The following TMEM233 variants were observed in gnomAD, a reference collection of about 807,000 sequenced individuals.
TMEM233 encodes the protein dispanin subfamily B member 2.
Under a neutral mutation model 11.2 loss-of-function variants are expected in TMEM233, and 6 were observed. The observed-to-expected ratio is 0.54, with a 90% CI of 0.29 to 1.06. The LOEUF (loss-of-function observed/expected upper bound fraction) is 1.06, where lower values mean the gene tolerates loss of function less well. Among genes scored for constraint, TMEM233 ranks in the 50% least tolerant of loss-of-function variants. The probability of loss-of-function intolerance (pLI) is 0.08; values close to 1 mark genes in which losing one functional copy is unlikely to be tolerated. For missense variants in TMEM233, 127 were observed against 144.7 expected, an observed-to-expected ratio of 0.88 and a Z score of 0.63; for synonymous variants, 59 against 55.8, an observed-to-expected ratio of 1.06 and a Z score of -0.26.
chr12:119,617,415 T>C (rs1954558281), intron 1 of TMEM233, among the ~76,000 whole-genome samples: 1 of 152,148 alleles, frequency 6.6e-6, no homozygotes, highest in Non-Finnish European at 1.5e-5. Flanking sequence ...CAGAGATCTA[T>C]GGAACATTGA....
At chr12:119,633,319 C>T (rs1356894381) in intron 2 of TMEM233, among the ~76,000 whole-genome samples, 1 of 152,126 alleles carries the variant, frequency 6.6e-6, no homozygotes, top group Admixed American at 6.5e-5. Context: ...GTGGCTGATG[C>T]CTATAATCCT....
chr12:119,623,430 G>T (rs1045486447), intron 1 of TMEM233, among the ~76,000 whole-genome samples: 13 of 152,082 alleles, frequency 8.5e-5, no homozygotes, highest in African/African-American at 2.4e-4. Flanking sequence ...CAGTGATTTT[G>T]ATTGTAAAGC....
chr12:119,640,881 AT>A lies in TMEM233; in HGVS notation c.*179del. 1 of 647,746 alleles carries A rather than the reference AT, an allele frequency of 1.5e-6. No homozygotes were observed. Among genetic ancestry groups the A allele is most frequent in the Non-Finnish European group, 2.5e-6 (1 of 405,084 alleles). The allele number at this position is 647,746 out of a possible 1,614,324, so 40.1% of individuals were successfully genotyped here. A position where few individuals can be genotyped will look rare whatever the true frequency, so the allele number is the denominator to read the frequency against. On this transcript the variant is annotated 3_prime_UTR_variant, in exon 3 of 3. Transcript: ENST00000426426. ...GAAAAAAAAAAAAAAAAAGTCCAAA[AT>A]TTAGGCAATCCAAGCTGCACAGCCG...
In TMEM233 at chr12:119,593,920, T is replaced by A; in HGVS notation, c.72T>A (p.Asp24Glu). ...LDSSPEANTE[D>E]DKTEEDVPMP... ...GCAGTCCCGAGGCCAACACTGAAGA[T>A]GACAAGACCGAGGAGGACGTGCCCA... The change falls in exon 1 of 3, where the codon GAT (aspartate) becomes GAA (glutamate). Residue 24 changes from aspartate to glutamate, a missense_variant. Transcript: ENST00000426426. This position sits in a 1 kb window ranked among gnomAD's most constrained non-coding sequence, Gnocchi z 4.1. 3 of 1,551,738 alleles carry A rather than the reference T, an allele frequency of 1.9e-6. No individual in the cohort carries two copies. The highest frequency in any genetic ancestry group is 2.6e-6 in the Non-Finnish European group (3 of 1,146,984).
Position 119,594,130 on chromosome 12 carries a change from C to T in TMEM233, c.186+96C>T. 1 of 1,279,466 alleles carries T rather than the reference C, an allele frequency of 7.8e-7. No individual in the cohort carries two copies. The highest frequency in any genetic ancestry group is 1.1e-6 in the Non-Finnish European group (1 of 929,628). The allele number at this position is 1,279,466 out of a possible 1,614,324, so 79.3% of individuals were successfully genotyped here. A position where few individuals can be genotyped will look rare whatever the true frequency, so the allele number is the denominator to read the frequency against. On this transcript the variant is annotated intron_variant, in intron 1 of 2. Transcript: ENST00000426426. The surrounding 1 kb of genome is among the most constrained non-coding windows in gnomAD (Gnocchi z 5.6). ...CCGCGCGCTCTCTGCGGCTCCCTTC[C>T]TCACGGCCCGGCCCGCGCTAGGTGT...
At chr12:119,603,689 A>G (rs1372043201) in intron 1 of TMEM233, among the ~76,000 whole-genome samples, 1 of 152,174 alleles carries the variant, frequency 6.6e-6, no homozygotes, top group Non-Finnish European at 1.5e-5. Context: ...CTCTTGGATC[A>G]TCTTTACTTC....
At chr12:119,630,744 T>C (rs1023753542) in intron 2 of TMEM233, among the ~76,000 whole-genome samples, 3 of 152,234 alleles carry the variant, frequency 2.0e-5, no homozygotes, top group Non-Finnish European at 4.4e-5. Context: ...ATCAGTCACG[T>C]AATCCCACCT....
intron 1 of TMEM233, among the ~76,000 whole-genome samples, chr12:119,615,574 G>A (rs1025506672): frequency 3.9e-5 from 6 of 152,170 alleles, no homozygotes; most frequent in Non-Finnish European, 7.3e-5. Context: ...GCTAGAACTG[G>A]GAACCATGAA....
chr12:119,645,816 C>G (rs1315108366), downstream of TMEM233, among the ~76,000 whole-genome samples: 2 of 152,156 alleles, frequency 1.3e-5, no homozygotes, highest in Admixed American at 6.6e-5. Context: ...AAGCTGTCTG[C>G]TCCTGGAACT....
At chr12:119,628,391 C>G (rs1207806321) in intron 1 of TMEM233, among the ~76,000 whole-genome samples, 1 of 151,850 alleles carries the variant, frequency 6.6e-6, no homozygotes, top group African/African-American at 2.4e-5. Flanking sequence ...GAACTCCTGA[C>G]CTCAGGTGAT....
chr12:119,605,445 T>G (rs1158376222), intron 1 of TMEM233, among the ~76,000 whole-genome samples: 2 of 69,066 alleles, frequency 2.9e-5, no homozygotes, highest in Non-Finnish European at 5.6e-5. Flanking sequence ...TTTTTTTTTT[T>G]GAGACAGGGC....
At chr12:119,637,622 A>G (rs989627949) in intron 2 of TMEM233, among the ~76,000 whole-genome samples, 1 of 152,216 alleles carries the variant, frequency 6.6e-6, no homozygotes, top group Non-Finnish European at 1.5e-5. Context: ...TGTTTTGATC[A>G]GAGAATTTTT....
At chr12:119,609,885 C>G (rs1008816521) in intron 1 of TMEM233, among the ~76,000 whole-genome samples, 2 of 152,254 alleles carry the variant, frequency 1.3e-5, no homozygotes, top group Non-Finnish European at 2.9e-5. Context: ...GAGCCCCCCA[C>G]AGAGTCCCCA....
At chr12:119,629,107 G>A (rs1438183188) in intron 1 of TMEM233, among the ~76,000 whole-genome samples, 13 of 152,176 alleles carry the variant, frequency 8.5e-5, no homozygotes, top group Admixed American at 8.5e-4. Flanking sequence ...ACTGGACACT[G>A]GTATGCCGAA....
rs1047207026 is a variant in TMEM233 at position 119,594,076 on chromosome 12, C to T, written c.186+42C>T. ...CAGAGGCAGCCTGGGAGGAGAGACC[C>T]GGGCGGCTTTGAGCCCCTGCAGGGG... On this transcript the variant is annotated intron_variant, in intron 1 of 2. Coordinates refer to ENST00000426426, the MANE Select transcript of TMEM233 (RefSeq NM_001136534.3). This position sits in a 1 kb window ranked among gnomAD's most constrained non-coding sequence, Gnocchi z 5.6. The T allele has an allele frequency of 1.0e-5, 16 of 1,544,052 alleles. No individual in the cohort carries two copies. The African/African-American group carries it at 2.2e-4, about 21-fold the overall frequency.
At chr12:119,602,469 T>C (rs998979010) in intron 1 of TMEM233, among the ~76,000 whole-genome samples, 1 of 152,248 alleles carries the variant, frequency 6.6e-6, no homozygotes, top group African/African-American at 2.4e-5. Flanking sequence ...CTTTTGAATT[T>C]CTTGCTTGAA....
intron 1 of TMEM233, among the ~76,000 whole-genome samples, chr12:119,601,073 G>T (rs1012339636): frequency 2.0e-5 from 3 of 152,034 alleles, no homozygotes; most frequent in Non-Finnish European, 4.4e-5. Context: ...TAAAAGGAAA[G>T]TTCCACAAAA....
intron 1 of TMEM233, among the ~76,000 whole-genome samples, chr12:119,617,667 C>T (rs1954563659): frequency 6.6e-6 from 1 of 152,042 alleles, no homozygotes; most frequent in Admixed American, 6.6e-5. Context: ...AACCCTGTCT[C>T]TACTAAAAAT....
intron 1 of TMEM233, among the ~76,000 whole-genome samples, chr12:119,614,132 TCTA>T (rs1174714196): frequency 6.6e-6 from 1 of 151,912 alleles, no homozygotes; most frequent in Middle Eastern, 3.2e-3. Flanking sequence ...TCGAATCCCA[TCTA>T]CCCACCAGTA....
Sources: allele counts gnomAD v4.1 joint callset (sites outside exome capture counted in the v4.1 genomes callset), GRCh38; gene constraint gnomAD v4.1.1; non-coding constraint Gnocchi (gnomAD v3.1); transcripts MANE v1.5; gene names NCBI Gene and HGNC (gene_info 2026-07-23, HGNC 2026-07-21).